NRAP: variants seen among roughly 807,000 people sequenced by gnomAD.
The protein encoded by NRAP is nebulin-related-anchoring protein.
NRAP carries 189 observed loss-of-function variants against 225.9 expected under a neutral mutation model. That is an observed-to-expected ratio of 0.84 (90% CI 0.74 to 0.94). The LOEUF is 0.94. NRAP is among the 40% of genes least tolerant of loss of function. The pLI is 0.00. For missense variants in NRAP, 2,176 were observed against 2,168.7 expected (o/e 1.00, Z -0.07); for synonymous variants, 769 against 790.7 (o/e 0.97, Z 0.46).
At chr10:113,645,797 A>T (rs771648743) in intron 11 of NRAP, 28 bp downstream of exon 11, 11 of 1,126,254 alleles carry the variant, frequency 9.8e-6, no homozygotes, top group Non-Finnish European at 1.5e-5. Flanking sequence ...GGTGATGCTC[A>T]TGGGTGTGAC....
intron 25 of NRAP, among the ~76,000 whole-genome samples, chr10:113,617,781 C>T (rs866361627): frequency 2.0e-5 from 3 of 152,260 alleles, no homozygotes; most frequent in Middle Eastern, 3.4e-3. Context: ...GCAAAGAAAA[C>T]ATCTCAAAAT....
At chr10:113,656,293 A>G (rs991475953) in intron 4 of NRAP, among the ~76,000 whole-genome samples, 3 of 152,238 alleles carry the variant, frequency 2.0e-5, no homozygotes, top group African/African-American at 4.8e-5. Flanking sequence ...AGAAAACTTT[A>G]AATCTACCTA....
rs1217814110 is a variant in NRAP, at chr10:113,614,173, C to T, written c.3300+10G>A. Reference sequence around the variant, plus strand: ...GCCCTGCAGCCGCTGATGCCTCTCCCCCCACTTACATCACTCTGCAGTGAG... The same window carrying T: ...GCCCTGCAGCCGCTGATGCCTCTCCTCCCACTTACATCACTCTGCAGTGAG... On this transcript the variant is annotated intron_variant, in intron 29 of 41. Coordinates refer to ENST00000359988, the MANE Select transcript of NRAP (RefSeq NM_198060.4). 1 of 1,582,118 alleles carries T rather than the reference C, an allele frequency of 6.3e-7. No homozygotes were observed. The highest frequency in any genetic ancestry group is 1.1e-5 in the South Asian group (1 of 90,464).
chr10:113,633,087 A>C lies in NRAP; in HGVS notation c.1629T>G (p.Ser543Arg), dbSNP rs1248013654. The C allele has an allele frequency of 1.6e-5, 24 of 1,521,414 alleles. No homozygotes were observed. The highest frequency in any genetic ancestry group is 2.2e-5 in the Non-Finnish European group (24 of 1,096,046). The allele number at this position is 1,521,414 out of a possible 1,614,324, so 94.2% of individuals were successfully genotyped here. ...TCTCCCCACATTGCTCTCTTACCTC[A>C]CTGAAGAGTTTGGCATTGGTTTTGG... ...VKAKTNAKLF[S>R]EVKYKEGWEK... Residue 543 changes from serine (S) to arginine (R), a missense_variant, in exon 16 of 42, where the codon AGT becomes AGG. Physicochemically the swap from Ser to Arg is moderately radical, Grantham distance 110. Transcript: ENST00000359988.
At chr10:113,606,362 T>C (rs549313574) in intron 32 of NRAP, 80 bp from the exon 33 acceptor site, 22 of 848,792 alleles carry the variant, frequency 2.6e-5, no homozygotes, top group South Asian at 2.1e-4. Context: ...CCCTCAACGA[T>C]AGTTGAGGAA....
intron 3 of NRAP, among the ~76,000 whole-genome samples, chr10:113,660,724 A>G (rs1359300690): frequency 6.6e-6 from 1 of 152,206 alleles, no homozygotes; most frequent in Non-Finnish European, 1.5e-5. Context: ...CTCATGTTTT[A>G]TGTGTCAAAT....
In NRAP at chr10:113,590,689, G is replaced by T; in HGVS notation, c.4845C>A (p.Ser1615Arg). The T allele has an allele frequency of 3.1e-6, 5 of 1,614,186 alleles. No homozygotes were observed. Among genetic ancestry groups the T allele is most frequent in the Non-Finnish European group, 4.2e-6 (5 of 1,180,020 alleles). ...DQPGLLQAKR[S>R]QQLASDVHYR... ...AGTGCACATCACTGGCCAGCTGCTGGCTCCTCTTGGCCTGAAGGAGGCCGG... is the reference window on the plus strand; with the variant it reads ...AGTGCACATCACTGGCCAGCTGCTGTCTCCTCTTGGCCTGAAGGAGGCCGG... Residue 1615 changes from serine (S) to arginine (R), a missense_variant, in exon 40 of 42, where the codon AGC (serine) becomes AGA (arginine). By Grantham distance (110) the Ser-to-Arg change is moderately radical (BLOSUM62 -1). Around this residue, in one of 3 missense-constraint regions of NRAP, gnomAD observed 445 missense variants for 426.1 expected, o/e 1.04. Transcript: ENST00000359988.
chr10:113,613,819 A>G (rs377086526), intron 29 of NRAP, among the ~76,000 whole-genome samples: 2 of 152,170 alleles, frequency 1.3e-5, no homozygotes, highest in East Asian at 1.9e-4. Flanking sequence ...GAAGCTTAAC[A>G]CTTTTATATA....
rs778892430 is a variant in NRAP at position 113,622,046 on chromosome 10, G to A, written c.2592C>T (p.Phe864=). The change falls in exon 24 of 42, where the codon TTC becomes TTT. Residue 864 remains phenylalanine (F), a synonymous_variant. Coordinates refer to ENST00000359988, the MANE Select transcript of NRAP (RefSeq NM_198060.4). ...LQSELEYKKG[F]EDTKSQCHVS... is the part of the protein sequence containing the mutation. ...CGTGGCATTGGGATTTGGTGTCCTCGAATCCCTTCTTGTACTCCAGCTCAC... is the reference window on the plus strand; with the variant it reads ...CGTGGCATTGGGATTTGGTGTCCTCAAATCCCTTCTTGTACTCCAGCTCAC... 6.8e-6 allele frequency: 11 copies of A among 1,614,070 alleles called. No individual in the cohort carries two copies. Among genetic ancestry groups the A allele is most frequent in the South Asian group, 6.6e-5 (6 of 91,088 alleles).
chr10:113,656,008 G>C (rs867290342), intron 4 of NRAP, among the ~76,000 whole-genome samples: 1 of 152,078 alleles, frequency 6.6e-6, no homozygotes. Flanking sequence ...TGCAAAACTG[G>C]TTCAGGCCAT....
chr10:113,657,707 A>C, intron 3 of NRAP, 133 bp from the exon 4 acceptor site: 2 of 660,474 alleles, frequency 3.0e-6, no homozygotes, highest in Non-Finnish European at 2.7e-6. Context: ...GCTGCAAGGC[A>C]CACTGTGCTG....
intron 29 of NRAP, among the ~76,000 whole-genome samples, chr10:113,613,555 C>G (rs1016331397): frequency 6.6e-6 from 1 of 152,200 alleles, no homozygotes; most frequent in African/African-American, 2.4e-5. Flanking sequence ...TGTTAGCCAA[C>G]TCACATATGT....
Position 113,606,168 on chromosome 10 carries a change from A to G in NRAP, c.3807+10T>C. 2 of 1,602,064 alleles carry G rather than the reference A, an allele frequency of 1.2e-6. No individual in the cohort carries two copies. Among genetic ancestry groups the G allele is most frequent in the Non-Finnish European group, 1.7e-6 (2 of 1,168,926 alleles). On this transcript the variant is annotated intron_variant, in intron 33 of 41. Coordinates refer to ENST00000359988, the MANE Select transcript of NRAP (RefSeq NM_198060.4). ...GAGCATGCTTGAACTTAAGTAACAA[A>G]AGGGCTTACGTCACTCAGGTTGGCT...
chr10:113,649,958 A>T, intron 9 of NRAP, 79 bp downstream of exon 9: 1 of 809,640 alleles, frequency 1.2e-6, no homozygotes, highest in Non-Finnish European at 2.1e-6. Context: ...ACCCCTGATT[A>T]AATTGTCATA....
At chr10:113,642,714 G>A (rs938534525) in intron 12 of NRAP, among the ~76,000 whole-genome samples, 2 of 152,158 alleles carry the variant, frequency 1.3e-5, no homozygotes, top group East Asian at 1.9e-4. Context: ...GACAGGTCCC[G>A]CCCAGAGGAC....
chr10:113,596,985 G>A lies in NRAP; in HGVS notation c.4431+101C>T, dbSNP rs536590817. ...AGATCATCCAGGTAGTAGAAAGAAG[G>A]TTTGCACCCCCATCTGTCCAGAGCC... On this transcript the variant is annotated intron_variant, in intron 37 of 41. Transcript: ENST00000359988. The A allele has an allele frequency of 3.9e-6, 3 of 773,006 alleles. No homozygotes were observed. The South Asian group carries it at 4.7e-5, about 12-fold the overall frequency. The allele number at this position is 773,006 out of a possible 1,614,324, so 47.9% of individuals were successfully genotyped here. A position where few individuals can be genotyped will look rare whatever the true frequency, so the allele number is the denominator to read the frequency against.
At chr10:113,657,321 G>A in intron 4 of NRAP, 149 bp downstream of exon 4, 1 of 603,992 alleles carries the variant, frequency 1.7e-6, no homozygotes, top group Non-Finnish European at 2.9e-6. Flanking sequence ...AGGACACGCT[G>A]ATTGAGGTCT....
At position 113,631,625 on chromosome 10, in the gene NRAP, G is replaced by A; in HGVS notation, c.1741-15C>T. 3 of 1,530,178 alleles carry A rather than the reference G, an allele frequency of 2.0e-6. No individual in the cohort carries two copies. Among genetic ancestry groups the A allele is most frequent in the Admixed American group, 1.7e-5 (1 of 59,564 alleles). 94.8% of individuals were successfully genotyped at this position (1,530,178 alleles called of 1,614,324 possible). ...TTATATTTAATCTTGAGAGAAAGAAGAAGGTCTACTGTGAGTGAGAGAGAA... is the reference window on the plus strand; with the variant it reads ...TTATATTTAATCTTGAGAGAAAGAAAAAGGTCTACTGTGAGTGAGAGAGAA... On this transcript the variant is annotated splice_polypyrimidine_tract_variant and intron_variant, in intron 17 of 41. Coordinates refer to ENST00000359988, the MANE Select transcript of NRAP (RefSeq NM_198060.4).
chr10:113,658,627 T>C (rs1460362708), intron 3 of NRAP, among the ~76,000 whole-genome samples: 2 of 152,118 alleles, frequency 1.3e-5, no homozygotes, highest in Non-Finnish European at 2.9e-5. Context: ...ACGCCTGCAC[T>C]CCCAGCAATT....
Sources: allele counts gnomAD v4.1 joint callset (sites outside exome capture counted in the v4.1 genomes callset), GRCh38; gene constraint gnomAD v4.1.1; regional missense constraint gnomAD v4.1.1; transcripts MANE v1.5; gene names NCBI Gene and HGNC (gene_info 2026-07-23, HGNC 2026-07-21).